Variants in KCNIP4 observed in about 807,000 individuals in gnomAD.
The protein encoded by KCNIP4 is potassium voltage-gated channel interacting protein 4.
Under a neutral mutation model 34.0 loss-of-function variants are expected in KCNIP4, and 12 were observed. The ratio of observed to expected loss-of-function variants is 0.35; its 90% confidence interval spans 0.23 to 0.57. The LOEUF (loss-of-function observed/expected upper bound fraction) is 0.57, where lower values mean the gene tolerates loss of function less well. Ranked by LOEUF, KCNIP4 falls within the 20% of genes least tolerant of loss-of-function variation. The pLI, the probability that KCNIP4 is intolerant of heterozygous loss-of-function variation, is 0.83. For missense variants in KCNIP4, 238 were observed against 311.7 expected (o/e 0.76, Z 1.78); for synonymous variants, 124 against 102.2 (o/e 1.21, Z -1.29).
intron 1 of KCNIP4, among the ~76,000 whole-genome samples, chr4:21,138,726 T>C (rs1292984245): frequency 6.6e-6 from 1 of 151,798 alleles, no homozygotes; most frequent in Non-Finnish European, 1.5e-5. Flanking sequence ...GTAGGCAGAA[T>C]GTATTCCTAA....
intron 1 of KCNIP4, among the ~76,000 whole-genome samples, chr4:21,454,908 T>G (rs1451707380): frequency 6.6e-6 from 1 of 152,012 alleles, no homozygotes; most frequent in African/African-American, 2.4e-5. Flanking sequence ...TGGACAATCC[T>G]CGAGTAGGGC....
chr4:21,597,102 C>A (rs931716990), intron 1 of KCNIP4, among the ~76,000 whole-genome samples: 6 of 151,924 alleles, frequency 3.9e-5, no homozygotes, highest in Admixed American at 1.3e-4. Flanking sequence ...TGGCTGTGTC[C>A]CCACTCAAAT....
intron 1 of KCNIP4, among the ~76,000 whole-genome samples, chr4:21,809,603 C>T (rs1272833288): frequency 6.6e-6 from 1 of 152,036 alleles, no homozygotes; most frequent in East Asian, 1.9e-4. Flanking sequence ...TCATGCATAC[C>T]TGGGCAGTTA....
intron 5 of KCNIP4, among the ~76,000 whole-genome samples, chr4:20,738,595 G>T (rs574867649): frequency 2.0e-5 from 3 of 152,304 alleles, no homozygotes; most frequent in East Asian, 3.9e-4. Context: ...AACAATGAAA[G>T]ATTTAAAGAT....
At chr4:21,724,628 C>T (rs975006378) in intron 1 of KCNIP4, among the ~76,000 whole-genome samples, 4 of 151,396 alleles carry the variant, frequency 2.6e-5, no homozygotes, top group Non-Finnish European at 2.9e-5. Context: ...AAAAAAATAC[C>T]GTATTTCCCT....
chr4:21,153,515 GTATATATATATATA>G (rs59614946), intron 1 of KCNIP4, among the ~76,000 whole-genome samples: 1 of 140,906 alleles, frequency 7.1e-6, no homozygotes, highest in African/African-American at 2.6e-5. Context: ...ATGTGTGTGT[GTATATATATATATA>G]TATATATATA....
chr4:20,939,039 T>C (rs551559458), intron 1 of KCNIP4, among the ~76,000 whole-genome samples: 1 of 152,338 alleles, frequency 6.6e-6, no homozygotes, highest in East Asian at 1.9e-4. Context: ...TCAAATTCAG[T>C]GACTCATTTT....
At chr4:21,443,006 A>AGGCCACATTTTCTTC (rs1160698998) in intron 1 of KCNIP4, among the ~76,000 whole-genome samples, 1 of 152,212 alleles carries the variant, frequency 6.6e-6, no homozygotes, top group Non-Finnish European at 1.5e-5. Context: ...CACATTGCTT[A>AGGCCACATTTTCTTC]GGCCACATTT....
In KCNIP4 at chr4:20,881,486, GTCTGAT is replaced by G. The variant is rs147274238; in HGVS notation, c.163+1116_163+1121del. ...ACTAGCAAATAACACCACCTTCTCTGTCTGATTCTAAGAGTTGTTTGATGCTTGAAA... is the reference window on the plus strand; with the variant it reads ...ACTAGCAAATAACACCACCTTCTCTGTCTAAGAGTTGTTTGATGCTTGAAA... On this transcript the variant is annotated intron_variant, in intron 2 of 8. Transcript: ENST00000382152. Among the ~76,000 whole-genome samples, 36 of 151,806 alleles carry G rather than the reference GTCTGAT, an allele frequency of 2.4e-4. No individual in the cohort carries two copies. The East Asian group carries it at 6.0e-3, about 25-fold the overall frequency.
chr4:21,302,024 A>G (rs537792829), intron 1 of KCNIP4, among the ~76,000 whole-genome samples: 1 of 152,310 alleles, frequency 6.6e-6, no homozygotes, highest in Non-Finnish European at 1.5e-5. Flanking sequence ...ATCATATATG[A>G]AGTTTATATT....
intron 3 of KCNIP4, among the ~76,000 whole-genome samples, chr4:20,794,931 A>G (rs1460763993): frequency 2.0e-5 from 3 of 152,210 alleles, no homozygotes; most frequent in African/African-American, 7.2e-5. Flanking sequence ...CACAAAGATT[A>G]AGACTGGATT....
chr4:21,560,150 C>T (rs567407815), intron 1 of KCNIP4, among the ~76,000 whole-genome samples: 56 of 152,132 alleles, frequency 3.7e-4, no homozygotes, highest in African/African-American at 1.3e-3. Context: ...TGCAAATGGG[C>T]TTCAAATGAT....
At chr4:21,630,283 G>A (rs546318675) in intron 1 of KCNIP4, among the ~76,000 whole-genome samples, 8 of 151,792 alleles carry the variant, frequency 5.3e-5, no homozygotes, top group Non-Finnish European at 5.9e-5. Context: ...TGCCCAACAT[G>A]GTAAAACCCC....
intron 1 of KCNIP4, among the ~76,000 whole-genome samples, chr4:21,562,721 A>G (rs1739565881): frequency 6.6e-6 from 1 of 152,076 alleles, no homozygotes; most frequent in Admixed American, 6.6e-5. Context: ...CCTCTCTTTA[A>G]TAAGTATTTT....
At chr4:21,798,404 CAT>C (rs112991875) in intron 1 of KCNIP4, among the ~76,000 whole-genome samples, 65,235 of 129,532 alleles carry the variant, frequency 0.5, 16,708 homozygotes, top group East Asian at 0.66. Flanking sequence ...CAAAAAAATA[CAT>C]ATATATATAT....
chr4:20,824,901 A>G (rs530572421), intron 3 of KCNIP4, among the ~76,000 whole-genome samples: 3 of 152,312 alleles, frequency 2.0e-5, no homozygotes, highest in African/African-American at 7.2e-5. Context: ...CTAAAACACA[A>G]TTAAGTATTA....
intron 1 of KCNIP4, among the ~76,000 whole-genome samples, chr4:21,742,541 CA>C (rs1716485097): frequency 6.6e-6 from 1 of 152,144 alleles, no homozygotes; most frequent in Non-Finnish European, 1.5e-5. Flanking sequence ...AAGTATGAAT[CA>C]GCATTTCAAG....
At chr4:21,150,752 C>T (rs1752697011) in intron 1 of KCNIP4, among the ~76,000 whole-genome samples, 1 of 152,114 alleles carries the variant, frequency 6.6e-6, no homozygotes, top group Non-Finnish European at 1.5e-5. Flanking sequence ...TGTAATTCTG[C>T]CCTGGCAGAA....
At chr4:21,426,712 T>C (rs1423016362) in intron 1 of KCNIP4, among the ~76,000 whole-genome samples, 2 of 152,122 alleles carry the variant, frequency 1.3e-5, no homozygotes, top group African/African-American at 4.8e-5. Flanking sequence ...CAAATATTTA[T>C]TGAGCATCTA....
Sources: gnomAD v4.1 joint callset for allele counts (sites outside exome capture counted in the v4.1 genomes callset) on GRCh38, gnomAD v4.1.1 for gene constraint, MANE v1.5 for transcripts, NCBI Gene and HGNC (gene_info 2026-07-23, HGNC 2026-07-21) for gene names.